SPOCK3: variants seen among roughly 807,000 people sequenced by gnomAD.
The protein encoded by SPOCK3 is SPARC (osteonectin), cwcv and kazal like domains proteoglycan 3.
In SPOCK3, 30 loss-of-function variants were observed where a neutral mutation model predicts 56.6. The ratio of observed to expected loss-of-function variants is 0.53; its 90% confidence interval spans 0.40 to 0.72. The LOEUF (loss-of-function observed/expected upper bound fraction) is 0.72, where lower values mean the gene tolerates loss of function less well. Ranked by LOEUF, SPOCK3 falls within the 30% of genes least tolerant of loss-of-function variation. SPOCK3 has a pLI of 0.00. For synonymous variants in SPOCK3, 196 were observed against 183.3 expected, an observed-to-expected ratio of 1.07 and a Z score of -0.56; for missense variants, 527 against 530.0, an observed-to-expected ratio of 0.99 and a Z score of 0.06.
At chr4:166,898,063 G>T (rs1356140034) in intron 5 of SPOCK3, among the ~76,000 whole-genome samples, 1 of 151,952 alleles carries the variant, frequency 6.6e-6, no homozygotes, top group African/African-American at 2.4e-5. Context: ...TGGCTGGGCT[G>T]GTACTGTGCA....
intron 3 of SPOCK3, among the ~76,000 whole-genome samples, chr4:167,033,895 T>C (rs539519202): frequency 6.6e-6 from 1 of 152,154 alleles, no homozygotes; most frequent in Admixed American, 6.6e-5. Flanking sequence ...CTTCTAATGA[T>C]CACATGTCAA....
chr4:167,204,596 T>G (rs528514051), intron 2 of SPOCK3, among the ~76,000 whole-genome samples: 1 of 152,034 alleles, frequency 6.6e-6, no homozygotes, highest in Admixed American at 6.6e-5. Context: ...ACCCAACATG[T>G]GGGGATTACA....
chr4:166,859,959 A>G (rs944519253), intron 6 of SPOCK3, among the ~76,000 whole-genome samples: 1 of 152,154 alleles, frequency 6.6e-6, no homozygotes, highest in Non-Finnish European at 1.5e-5. Flanking sequence ...ACCAGTATCT[A>G]TCAAGAAGAC....
chr4:166,865,306 C>G (rs534508423), intron 6 of SPOCK3, among the ~76,000 whole-genome samples: 1 of 152,118 alleles, frequency 6.6e-6, no homozygotes, highest in African/African-American at 2.4e-5. Context: ...CTATTTATGA[C>G]AAACCTATAG....
At chr4:167,111,492 T>A (rs893219261) in intron 2 of SPOCK3, among the ~76,000 whole-genome samples, 5 of 152,144 alleles carry the variant, frequency 3.3e-5, no homozygotes, top group Non-Finnish European at 7.4e-5. Flanking sequence ...TACATAATAC[T>A]TGCTTAATTT....
chr4:166,993,149 G>A (rs1192481450), intron 4 of SPOCK3, among the ~76,000 whole-genome samples: 1 of 152,090 alleles, frequency 6.6e-6, no homozygotes, highest in Non-Finnish European at 1.5e-5. Context: ...GCAGAACTGC[G>A]AAGGATCTCT....
At chr4:167,183,457 A>G (rs538100681) in intron 2 of SPOCK3, among the ~76,000 whole-genome samples, 3 of 152,328 alleles carry the variant, frequency 2.0e-5, no homozygotes, top group African/African-American at 2.4e-5. Context: ...AAAAAAAATG[A>G]CACCTCTTTA....
chr4:167,225,316 C>T (rs568686576), intron 2 of SPOCK3, among the ~76,000 whole-genome samples: 1 of 152,040 alleles, frequency 6.6e-6, no homozygotes, highest in African/African-American at 2.4e-5. Flanking sequence ...AGGTGGGAGA[C>T]AACATTTCTG....
At chr4:166,783,377 T>C (rs1278531516) in intron 7 of SPOCK3, among the ~76,000 whole-genome samples, 1 of 151,976 alleles carries the variant, frequency 6.6e-6, no homozygotes, top group East Asian at 1.9e-4. Flanking sequence ...GAAAGCAGTA[T>C]TGGAAAACCA....
At chr4:167,136,989 A>G (rs1763172958) in intron 2 of SPOCK3, among the ~76,000 whole-genome samples, 1 of 152,090 alleles carries the variant, frequency 6.6e-6, no homozygotes, top group South Asian at 2.1e-4. Context: ...CACCCATAAA[A>G]TTAACATCTT....
At chr4:167,125,191 TTTTATTTATTTATTTA>T (rs59279364) in intron 2 of SPOCK3, among the ~76,000 whole-genome samples, 3 of 142,528 alleles carry the variant, frequency 2.1e-5, no homozygotes, top group African/African-American at 7.7e-5. Context: ...CACAGAGATT[TTTTATTTATTTATTTA>T]TTTATTTATT....
At chr4:167,219,812 C>T (rs1032107814) in intron 2 of SPOCK3, among the ~76,000 whole-genome samples, 3 of 152,010 alleles carry the variant, frequency 2.0e-5, no homozygotes, top group Non-Finnish European at 4.4e-5. Context: ...ATATTTTCTT[C>T]AGTGTAGCAG....
At chr4:167,205,199 TAATA>T (rs1561320538) in intron 2 of SPOCK3, among the ~76,000 whole-genome samples, 1 of 98,410 alleles carries the variant, frequency 1.0e-5, no homozygotes, top group Non-Finnish European at 1.9e-5. Flanking sequence ...TTTATATCTA[TAATA>T]TATATTATAT....
intron 2 of SPOCK3, among the ~76,000 whole-genome samples, chr4:167,110,292 G>T (rs1356483001): frequency 6.6e-6 from 1 of 151,780 alleles, no homozygotes; most frequent in Non-Finnish European, 1.5e-5. Context: ...TCTTTCCTCA[G>T]GTTATGGCCT....
chr4:166,859,200 T>C (rs1730991256), intron 6 of SPOCK3, among the ~76,000 whole-genome samples: 1 of 152,202 alleles, frequency 6.6e-6, no homozygotes, highest in South Asian at 2.1e-4. Flanking sequence ...TCTAGGTTTA[T>C]GTAAGTGCAC....
chr4:167,174,252 T>G (rs9991817), intron 2 of SPOCK3, among the ~76,000 whole-genome samples: 28,089 of 151,924 alleles, frequency 0.18, 2,847 homozygotes, highest in Admixed American at 0.26. Flanking sequence ...CAAATAGCAA[T>G]TTTATTAAAA....
intron 2 of SPOCK3, among the ~76,000 whole-genome samples, chr4:167,094,394 C>G (rs1758964547): frequency 6.6e-6 from 1 of 151,838 alleles, no homozygotes; most frequent in African/African-American, 2.4e-5. Context: ...AAGTAAAAAT[C>G]AACAACATAT....
At chr4:166,793,251 A>G (rs1203432309) in intron 6 of SPOCK3, among the ~76,000 whole-genome samples, 1 of 152,050 alleles carries the variant, frequency 6.6e-6, no homozygotes, top group Non-Finnish European at 1.5e-5. Context: ...TACATTTAAT[A>G]TATACCATAT....
At chr4:166,767,184 T>G (rs1251180382) in intron 7 of SPOCK3, among the ~76,000 whole-genome samples, 1 of 152,014 alleles carries the variant, frequency 6.6e-6, no homozygotes, top group Non-Finnish European at 1.5e-5. Context: ...GTGTCTCTAT[T>G]TCCTTCAGTT....
Sources: gnomAD v4.1 joint callset for allele counts (sites outside exome capture counted in the v4.1 genomes callset) on GRCh38, gnomAD v4.1.1 for gene constraint, MANE v1.5 for transcripts, NCBI Gene and HGNC (gene_info 2026-07-23, HGNC 2026-07-21) for gene names.